The following OAS2 variants were observed in gnomAD, a reference collection of about 807,000 sequenced individuals.
The protein encoded by OAS2 is 2'-5'-oligoadenylate synthase 2.
OAS2 carries 67 observed loss-of-function variants against 71.3 expected under a neutral mutation model. That is an observed-to-expected ratio of 0.94 (90% confidence interval 0.77 to 1.15). The LOEUF is 1.15. Among genes scored for constraint, OAS2 ranks in the 50% most tolerant of loss-of-function variants. OAS2 has a pLI of 0.00. For synonymous variants in OAS2, 327 were observed against 321.8 expected, an observed-to-expected ratio of 1.02 and a Z score of -0.17; for missense variants, 789 against 822.5, an observed-to-expected ratio of 0.96 and a Z score of 0.50.
intron 5 of OAS2, among the ~76,000 whole-genome samples, chr12:112,999,006 A>AG (rs1015611267): frequency 6.6e-6 from 1 of 152,242 alleles, no homozygotes; most frequent in African/African-American, 2.4e-5. Flanking sequence ...ACAAAGAGAA[A>AG]GGGGGGTACC....
intron 2 of OAS2, among the ~76,000 whole-genome samples, chr12:112,991,072 C>T (rs988474782): frequency 6.6e-6 from 1 of 152,196 alleles, no homozygotes; most frequent in Non-Finnish European, 1.5e-5. Context: ...TACCACTCAC[C>T]ACCAACTAAC....
chr12:112,989,745 A>G (rs958245917), intron 2 of OAS2, among the ~76,000 whole-genome samples: 2 of 152,202 alleles, frequency 1.3e-5, no homozygotes, highest in African/African-American at 2.4e-5. Context: ...CCTTCCCATC[A>G]TGGCCTGAAC....
At chr12:112,997,486 C>A in intron 3 of OAS2, 34 bp from the exon 4 acceptor site, 2 of 1,570,840 alleles carry the variant, frequency 1.3e-6, no homozygotes, top group South Asian at 1.1e-5. Context: ...AACTAGATCC[C>A]CCAATGAGCT....
intron 2 of OAS2, among the ~76,000 whole-genome samples, chr12:112,992,224 A>G (rs1428322112): frequency 6.6e-6 from 1 of 151,926 alleles, no homozygotes; most frequent in African/African-American, 2.4e-5. Flanking sequence ...GTGAAACCCC[A>G]TCTCTACAAA....
chr12:112,983,076 T>C (rs1279913236), intron 1 of OAS2, among the ~76,000 whole-genome samples: 24 of 152,202 alleles, frequency 1.6e-4, no homozygotes, highest in Non-Finnish European at 2.9e-5. Context: ...TTTTAGTCTA[T>C]TTAGTCTAAG....
chr12:112,995,574 C>A, intron 3 of OAS2, 100 bp downstream of exon 3: 1 of 1,143,458 alleles, frequency 8.7e-7, no homozygotes, highest in Non-Finnish European at 1.2e-6. Context: ...TACAGCTCAA[C>A]GCATTTTTTA....
At chr12:112,989,365 T>A (rs1422152812) in intron 2 of OAS2, among the ~76,000 whole-genome samples, 2 of 152,186 alleles carry the variant, frequency 1.3e-5, no homozygotes. Context: ...CAGGTATGTC[T>A]TTATTAACAG....
At chr12:112,996,786 C>T (rs115743602) in intron 3 of OAS2, among the ~76,000 whole-genome samples, 3,182 of 151,994 alleles carry the variant, frequency 0.021, 111 homozygotes, top group African/African-American at 0.071. Flanking sequence ...GGATGGGTGG[C>T]GCTGGTCACA....
chr12:113,005,918 C>CAAAAAAAA (rs138299398), intron 7 of OAS2, among the ~76,000 whole-genome samples: 41 of 49,044 alleles, frequency 8.4e-4, no homozygotes, highest in Non-Finnish European at 1.1e-3. Context: ...ACAACAACAA[C>CAAAAAAAA]AAAAAAAAAA....
At chr12:113,004,861 G>T in intron 6 of OAS2, 73 bp from the exon 7 acceptor site, 1 of 1,508,264 alleles carries the variant, frequency 6.6e-7, no homozygotes, top group Non-Finnish European at 9.0e-7. Flanking sequence ...TAGCCCAACT[G>T]GTGCCAGCCC....
intron 2 of OAS2, chr12:112,987,829 C>T: frequency 1.0e-6 from 1 of 987,218 alleles, no homozygotes; most frequent in Non-Finnish European, 1.2e-6. Context: ...CCATAGATAA[C>T]TATCAAAGCT....
intron 2 of OAS2, among the ~76,000 whole-genome samples, chr12:112,993,953 GT>G (rs2044213169): frequency 3.6e-5 from 2 of 55,072 alleles, no homozygotes; most frequent in Admixed American, 1.7e-4. Flanking sequence ...TTGTTTGGTT[GT>G]TTTTTTGTGG....
intron 1 of OAS2, among the ~76,000 whole-genome samples, chr12:112,984,655 C>G (rs926579898): frequency 1.3e-5 from 2 of 152,142 alleles, no homozygotes; most frequent in African/African-American, 4.8e-5. Context: ...TTTTCTTTCT[C>G]TTTATTGCCT....
At chr12:112,984,510 T>G (rs1593194869) in intron 1 of OAS2, among the ~76,000 whole-genome samples, 1 of 152,342 alleles carries the variant, frequency 6.6e-6, no homozygotes, top group East Asian at 1.9e-4. Flanking sequence ...ACCTTATTTT[T>G]TATCCATTCA....
Position 113,010,598 on chromosome 12 carries a change from G to A in OAS2, c.*1343G>A. On this transcript the variant is annotated 3_prime_UTR_variant, in exon 10 of 10. Coordinates refer to ENST00000392583, the MANE Select transcript of OAS2 (RefSeq NM_002535.3). ...CCTTCCCTTGCTTCTTGGACTTCTTGAAATCAATCAAGACTGCAAACCCTT... is the reference window on the plus strand; with the variant it reads ...CCTTCCCTTGCTTCTTGGACTTCTTAAAATCAATCAAGACTGCAAACCCTT... The A allele has an allele frequency of 6.8e-7, 1 of 1,474,154 alleles. No individual in the cohort carries two copies. The highest frequency in any genetic ancestry group is 9.0e-7 in the Non-Finnish European group (1 of 1,113,666). 91.3% of individuals were successfully genotyped at this position (1,474,154 alleles called of 1,614,324 possible).
chr12:112,987,367 G>A, intron 2 of OAS2, 59 bp downstream of exon 2: 1 of 1,602,670 alleles, frequency 6.2e-7, no homozygotes, highest in African/African-American at 1.3e-5. Context: ...AGACAGCTCT[G>A]TGCAACCTCT....
At chr12:113,007,079 G>A (rs1053456075) in intron 8 of OAS2, among the ~76,000 whole-genome samples, 1 of 152,184 alleles carries the variant, frequency 6.6e-6, no homozygotes, top group African/African-American at 2.4e-5. Context: ...GGTAACCCCA[G>A]ATTCATGCAC....
intron 5 of OAS2, among the ~76,000 whole-genome samples, chr12:112,998,683 G>A (rs1360923110): frequency 6.6e-5 from 10 of 152,174 alleles, no homozygotes; most frequent in Admixed American, 6.5e-4. Flanking sequence ...GTTGCCAGCA[G>A]TCCTTGGCTT....
At chr12:112,987,607 C>T (rs1247385313) in intron 2 of OAS2, 6 of 1,242,462 alleles carry the variant, frequency 4.8e-6, no homozygotes, top group Middle Eastern at 3.1e-4. Flanking sequence ...AAATGCAGAT[C>T]CTGACTCAGG....
Sources: gnomAD v4.1 joint callset for allele counts (sites outside exome capture counted in the v4.1 genomes callset) on GRCh38, gnomAD v4.1.1 for gene constraint, MANE v1.5 for transcripts, NCBI Gene and HGNC (gene_info 2026-07-23, HGNC 2026-07-21) for gene names.